Variants in MGAT4C observed in about 807,000 individuals in gnomAD.
The protein encoded by MGAT4C is alpha-1,3-mannosyl-glycoprotein 4-beta-N-acetylglucosaminyltransferase C.
MGAT4C carries 19 observed loss-of-function variants against 40.1 expected under a neutral mutation model. The ratio of observed to expected loss-of-function variants is 0.47; its 90% confidence interval spans 0.33 to 0.70. MGAT4C has a LOEUF of 0.70. MGAT4C is among the 30% of genes least tolerant of loss of function. The probability of loss-of-function intolerance (pLI) is 0.02; values close to 1 mark genes in which losing one functional copy is unlikely to be tolerated. For missense variants in MGAT4C, 491 were observed against 563.2 expected (o/e 0.87, Z 1.30); for synonymous variants, 181 against 187.1 (o/e 0.97, Z 0.27).
At chr12:86,457,519 T>G (rs1030160915) in intron 2 of MGAT4C, among the ~76,000 whole-genome samples, 6 of 152,192 alleles carry the variant, frequency 3.9e-5, no homozygotes, top group Non-Finnish European at 7.4e-5. Context: ...ATGTTATTTC[T>G]GGTTTACTGT....
chr12:86,100,229 T>C (rs2135594774), intron 1 of MGAT4C, among the ~76,000 whole-genome samples: 1 of 151,568 alleles, frequency 6.6e-6, no homozygotes, highest in East Asian at 1.9e-4. Context: ...TGCATTGGAC[T>C]CAGCAATGAC....
At chr12:86,127,562 T>C (rs1308999244) in intron 1 of MGAT4C, among the ~76,000 whole-genome samples, 1 of 152,178 alleles carries the variant, frequency 6.6e-6, no homozygotes, top group Admixed American at 6.5e-5. Context: ...CTTATAAACA[T>C]TTTAATTGTT....
intron 2 of MGAT4C, among the ~76,000 whole-genome samples, chr12:86,017,186 A>G (rs749237371): frequency 1.3e-5 from 2 of 152,232 alleles, no homozygotes; most frequent in Middle Eastern, 3.4e-3. Flanking sequence ...AAAGATTGCA[A>G]CTACCACTGT....
chr12:86,065,901 C>G (rs1894492682), intron 1 of MGAT4C, among the ~76,000 whole-genome samples: 1 of 152,092 alleles, frequency 6.6e-6, no homozygotes, highest in Non-Finnish European at 1.5e-5. Flanking sequence ...TACAAGCATT[C>G]CTATATACCA....
intron 2 of MGAT4C, among the ~76,000 whole-genome samples, chr12:86,443,837 G>C (rs888685749): frequency 6.6e-6 from 1 of 151,910 alleles, no homozygotes; most frequent in African/African-American, 2.4e-5. Flanking sequence ...CTCGTGATGC[G>C]CCCGCCTCGG....
chr12:86,356,806 A>T (rs1166550190), intron 3 of MGAT4C, among the ~76,000 whole-genome samples: 2 of 152,074 alleles, frequency 1.3e-5, no homozygotes, highest in East Asian at 3.9e-4. Context: ...GATTGAGTAG[A>T]TAAACAAAGT....
At chr12:86,114,600 T>C (rs1878057028) in intron 1 of MGAT4C, among the ~76,000 whole-genome samples, 1 of 151,926 alleles carries the variant, frequency 6.6e-6, no homozygotes, top group Non-Finnish European at 1.5e-5. Flanking sequence ...TGCTTCAATG[T>C]ATACCATCTG....
In MGAT4C at chr12:86,110,281, C is replaced by CTATATATATATATATATA. The variant is rs796290962; in HGVS notation, c.-56-60559_-56-60558insTATATATATATATATATA. ...TATATATATAGACTATATATATAGT[C>CTATATATATATATATATA]TATATATATATAGTCTCTCTATATA... On this transcript the variant is annotated intron_variant, in intron 1 of 4. Coordinates refer to ENST00000611864, the MANE Select transcript of MGAT4C (RefSeq NM_001351288.2). Among the ~76,000 whole-genome samples, 3 of 17,134 alleles carry CTATATATATATATATATA rather than the reference C, an allele frequency of 1.8e-4. 1 individual carries two copies. The highest frequency in any genetic ancestry group is 6.1e-4 in the African/African-American group (3 of 4,918). The allele number at this position is 17,134 out of a possible 152,430, so 11.2% of individuals were successfully genotyped here.
chr12:86,411,741 G>A (rs61949492), intron 3 of MGAT4C, among the ~76,000 whole-genome samples: 6,348 of 152,256 alleles, frequency 0.042, 194 homozygotes, highest in Non-Finnish European at 0.066. Context: ...TATAAGTAAA[G>A]AGGAGCTAAA....
intron 1 of MGAT4C, among the ~76,000 whole-genome samples, chr12:86,190,224 G>T (rs1889227122): frequency 6.6e-6 from 1 of 151,960 alleles, no homozygotes; most frequent in African/African-American, 2.4e-5. Context: ...AGGGATTACT[G>T]AAAGGCAATG....
At chr12:86,296,875 G>A (rs1415900133) in intron 4 of MGAT4C, among the ~76,000 whole-genome samples, 1 of 152,238 alleles carries the variant, frequency 6.6e-6, no homozygotes, top group Non-Finnish European at 1.5e-5. Flanking sequence ...CTCCTCAAGT[G>A]CCGCCGAAGT....
intron 3 of MGAT4C, among the ~76,000 whole-genome samples, chr12:86,353,163 GTCC>G (rs1955213840): frequency 6.6e-6 from 1 of 151,662 alleles, no homozygotes. Context: ...CTCTTAAATG[GTCC>G]TCCACTTTTC....
At chr12:86,511,167 A>G (rs1958575271) in intron 2 of MGAT4C, among the ~76,000 whole-genome samples, 1 of 152,048 alleles carries the variant, frequency 6.6e-6, no homozygotes, top group Admixed American at 6.6e-5. Flanking sequence ...CAATCAAACT[A>G]GAACTCAGGA....
intron 2 of MGAT4C, among the ~76,000 whole-genome samples, chr12:86,587,492 C>A (rs1412978387): frequency 6.6e-6 from 1 of 151,950 alleles, no homozygotes; most frequent in Non-Finnish European, 1.5e-5. Context: ...TGAAGAAAGT[C>A]ATTGGTAGCT....
rs1024021778 is a variant in MGAT4C at position 85,978,121 on chromosome 12, T to A, written c.*1168A>T. 6.6e-6 allele frequency: 1 copy of A among 151,594 alleles called. No individual in the cohort carries two copies. Among genetic ancestry groups the A allele is most frequent in the African/African-American group, 2.4e-5 (1 of 41,382 alleles). The allele number at this position is 151,594 out of a possible 1,614,324, so 9.4% of individuals were successfully genotyped here. A position where few individuals can be genotyped will look rare whatever the true frequency, so the allele number is the denominator to read the frequency against. On this transcript the variant is annotated 3_prime_UTR_variant, in exon 5 of 5. Transcript: ENST00000611864. ...ACCAAAAAAGCATCATTTAGGACATTATTTAGGATAATATTATTTATGCAG... is the reference window on the plus strand; with the variant it reads ...ACCAAAAAAGCATCATTTAGGACATAATTTAGGATAATATTATTTATGCAG...
intron 2 of MGAT4C, among the ~76,000 whole-genome samples, chr12:86,555,309 A>G (rs2136401534): frequency 6.6e-6 from 1 of 152,348 alleles, no homozygotes; most frequent in South Asian, 2.1e-4. Flanking sequence ...ATACTGTATT[A>G]ATTTTAAAGA....
intron 4 of MGAT4C, among the ~76,000 whole-genome samples, chr12:86,290,007 G>C (rs1953466253): frequency 6.6e-6 from 1 of 151,774 alleles, no homozygotes; most frequent in Non-Finnish European, 1.5e-5. Context: ...ATACTGAAAA[G>C]ACAATGGAGT....
intron 4 of MGAT4C, among the ~76,000 whole-genome samples, chr12:86,294,682 G>T (rs961346894): frequency 2.0e-5 from 3 of 151,992 alleles, no homozygotes. Context: ...TTTGTTGGGG[G>T]GGAAAAAAGT....
At chr12:86,558,244 G>A (rs1346561215) in intron 2 of MGAT4C, among the ~76,000 whole-genome samples, 1 of 152,082 alleles carries the variant, frequency 6.6e-6, no homozygotes, top group African/African-American at 2.4e-5. Flanking sequence ...GAGTCTGGGA[G>A]TTTCAGAGCG....
Sources: allele counts gnomAD v4.1 joint callset (sites outside exome capture counted in the v4.1 genomes callset), GRCh38; gene constraint gnomAD v4.1.1; transcripts MANE v1.5; gene names NCBI Gene and HGNC (gene_info 2026-07-23, HGNC 2026-07-21).